Variants in ST6GALNAC3 observed in about 807,000 individuals in gnomAD.
ST6GALNAC3 encodes alpha-N-acetylgalactosaminide alpha-2,6-sialyltransferase 3.
A neutral mutation model predicts 32.7 loss-of-function variants in ST6GALNAC3; 25 were observed. The ratio of observed to expected loss-of-function variants is 0.76; its 90% confidence interval spans 0.56 to 1.07. The LOEUF (loss-of-function observed/expected upper bound fraction) is 1.07, where lower values mean the gene tolerates loss of function less well. Ranked by LOEUF, ST6GALNAC3 falls within the 50% of genes least tolerant of loss-of-function variation. ST6GALNAC3 has a pLI of 0.00. For missense variants in ST6GALNAC3, 355 were observed against 382.4 expected (o/e 0.93, Z 0.60); for synonymous variants, 129 against 133.1 (o/e 0.97, Z 0.21).
At chr1:76,197,712 A>G (rs1654284585) in intron 1 of ST6GALNAC3, among the ~76,000 whole-genome samples, 1 of 152,174 alleles carries the variant, frequency 6.6e-6, no homozygotes, top group Non-Finnish European at 1.5e-5. Context: ...TGTAGAAGGT[A>G]GGAAATGACA....
chr1:76,230,153 CT>C (rs1348364489), intron 1 of ST6GALNAC3, among the ~76,000 whole-genome samples: 2 of 152,142 alleles, frequency 1.3e-5, no homozygotes, highest in African/African-American at 4.8e-5. Context: ...ATTTCTTTAT[CT>C]TTTTCTAATG....
intron 2 of ST6GALNAC3, among the ~76,000 whole-genome samples, chr1:76,408,353 A>G (rs1200592133): frequency 1.3e-5 from 2 of 152,142 alleles, no homozygotes; most frequent in Non-Finnish European, 1.5e-5. Context: ...GATGACGGCC[A>G]TGGTGACAGT....
intron 1 of ST6GALNAC3, among the ~76,000 whole-genome samples, chr1:76,246,918 G>A (rs1160673421): frequency 6.6e-6 from 1 of 152,150 alleles, no homozygotes; most frequent in Non-Finnish European, 1.5e-5. Flanking sequence ...TTTCGCACTG[G>A]TTTTTCCTCA....
At chr1:76,235,970 T>C (rs1656632961) in intron 1 of ST6GALNAC3, among the ~76,000 whole-genome samples, 1 of 150,082 alleles carries the variant, frequency 6.7e-6, no homozygotes, top group Admixed American at 6.6e-5. Flanking sequence ...CATTTTGTTT[T>C]TTGTTTGTTT....
intron 3 of ST6GALNAC3, among the ~76,000 whole-genome samples, chr1:76,556,109 A>G (rs1664906792): frequency 6.6e-6 from 1 of 152,150 alleles, no homozygotes; most frequent in Admixed American, 6.6e-5. Flanking sequence ...GATACTCCAT[A>G]CAAATGGAAT....
chr1:76,478,110 C>G (rs1456869059), intron 3 of ST6GALNAC3, among the ~76,000 whole-genome samples: 2 of 152,166 alleles, frequency 1.3e-5, no homozygotes, highest in Non-Finnish European at 2.9e-5. Context: ...TCATTTCTAC[C>G]TTCCTCCAGG....
intron 1 of ST6GALNAC3, among the ~76,000 whole-genome samples, chr1:76,140,196 C>A (rs1277244233): frequency 1.3e-5 from 2 of 152,290 alleles, no homozygotes; most frequent in Admixed American, 1.3e-4. Context: ...TAATCCAATG[C>A]TCCGTGGAAG....
At chr1:76,359,017 C>T (rs1649716173) in intron 2 of ST6GALNAC3, among the ~76,000 whole-genome samples, 1 of 152,074 alleles carries the variant, frequency 6.6e-6, no homozygotes, top group Non-Finnish European at 1.5e-5. Flanking sequence ...ATACATATTG[C>T]AATTGTAATT....
chr1:76,569,336 G>A (rs538785582), intron 3 of ST6GALNAC3, among the ~76,000 whole-genome samples: 3 of 146,990 alleles, frequency 2.0e-5, no homozygotes, highest in African/African-American at 8.0e-5. Context: ...ATTTCAGCTT[G>A]GCAAAAATGA....
intron 1 of ST6GALNAC3, among the ~76,000 whole-genome samples, chr1:76,217,042 A>G (rs1655504833): frequency 6.6e-6 from 1 of 152,226 alleles, no homozygotes; most frequent in Non-Finnish European, 1.5e-5. Flanking sequence ...TTAAGATAAC[A>G]CCTCATTTTA....
At chr1:76,573,518 G>T (rs12039983) in intron 3 of ST6GALNAC3, among the ~76,000 whole-genome samples, 1 of 152,082 alleles carries the variant, frequency 6.6e-6, no homozygotes, top group Non-Finnish European at 1.5e-5. Flanking sequence ...TCAGAACTTA[G>T]TGTGACTATG....
At chr1:76,610,941 A>T (rs1189204762) in intron 3 of ST6GALNAC3, among the ~76,000 whole-genome samples, 5 of 152,128 alleles carry the variant, frequency 3.3e-5, no homozygotes, top group Non-Finnish European at 7.4e-5. Context: ...GGTATTTGTG[A>T]CTAAGTACCT....
At chr1:76,107,025 T>C (rs530428792) in intron 1 of ST6GALNAC3, among the ~76,000 whole-genome samples, 40 of 152,332 alleles carry the variant, frequency 2.6e-4, no homozygotes, top group Non-Finnish European at 2.9e-4. Context: ...AATTACCACA[T>C]GCTGTTCAGT....
At chr1:76,473,152 C>G (rs1423624289) in intron 3 of ST6GALNAC3, among the ~76,000 whole-genome samples, 2 of 152,022 alleles carry the variant, frequency 1.3e-5, no homozygotes, top group Non-Finnish European at 2.9e-5. Context: ...AGCTTACTGT[C>G]TCTGTGAAAT....
At chr1:76,513,571 C>T (rs561958764) in intron 3 of ST6GALNAC3, among the ~76,000 whole-genome samples, 2 of 152,202 alleles carry the variant, frequency 1.3e-5, no homozygotes, top group African/African-American at 4.8e-5. Flanking sequence ...TGTGATGCCT[C>T]CAGCTTTGTT....
intron 3 of ST6GALNAC3, among the ~76,000 whole-genome samples, chr1:76,601,368 T>C (rs990254653): frequency 3.9e-5 from 6 of 152,232 alleles, no homozygotes; most frequent in Non-Finnish European, 5.9e-5. Flanking sequence ...GATGGAAGTA[T>C]GTAGTTATTT....
In ST6GALNAC3 at chr1:76,412,374, A is replaced by G. The variant is rs1315468045; in HGVS notation, c.580A>G (p.Ser194Gly). ...ATACGTGACCACAGAGAAGCGCATG[A>G]GTTACTGTGATGGAGTTTTTAAGAA... ...QIYVTTEKRMSYCDGVFKKET... is the reference protein window; with the variant it reads ...QIYVTTEKRMGYCDGVFKKET... The change falls in exon 3 of 5, where the codon AGT becomes GGT. Residue 194 changes from serine (S) to glycine (G), a missense_variant. Ser to Gly is a moderately conservative substitution (Grantham distance 56, BLOSUM62 0). Coordinates refer to ENST00000328299, the MANE Select transcript of ST6GALNAC3 (RefSeq NM_152996.4). 1.2e-6 allele frequency: 2 copies of G among 1,610,862 alleles called. No individual in the cohort carries two copies. Among genetic ancestry groups the G allele is most frequent in the African/African-American group, 2.7e-5 (2 of 74,648 alleles).
downstream of ST6GALNAC3, among the ~76,000 whole-genome samples, chr1:76,635,019 T>C (rs1313697434): frequency 3.3e-5 from 5 of 152,226 alleles, no homozygotes; most frequent in Non-Finnish European, 7.4e-5. Flanking sequence ...AATACTACTA[T>C]AAACAATAAC....
At chr1:76,320,179 G>A (rs1414566532) in intron 2 of ST6GALNAC3, among the ~76,000 whole-genome samples, 1 of 152,158 alleles carries the variant, frequency 6.6e-6, no homozygotes, top group African/African-American at 2.4e-5. Flanking sequence ...AGAAGACAAA[G>A]CAGAGTTGGG....
Sources: gnomAD v4.1 joint callset for allele counts (sites outside exome capture counted in the v4.1 genomes callset) on GRCh38, gnomAD v4.1.1 for gene constraint, MANE v1.5 for transcripts, NCBI Gene and HGNC (gene_info 2026-07-23, HGNC 2026-07-21) for gene names.